The following DOCK1 variants were observed in gnomAD, a reference collection of about 807,000 sequenced individuals.
DOCK1 encodes the protein dedicator of cytokinesis 1.
A neutral mutation model predicts 262.7 loss-of-function variants in DOCK1; 138 were observed. The observed-to-expected ratio is 0.53, with a 90% CI of 0.46 to 0.61. The LOEUF (loss-of-function observed/expected upper bound fraction) is 0.61. Ranked by LOEUF, DOCK1 falls within the 20% of genes least tolerant of loss-of-function variation. The pLI is 0.00. For synonymous variants in DOCK1, 866 were observed against 867.4 expected, an observed-to-expected ratio of 1.00 and a Z score of 0.03; for missense variants, 1,908 against 2,370.7, an observed-to-expected ratio of 0.80 and a Z score of 4.05.
intron 1 of DOCK1, among the ~76,000 whole-genome samples, chr10:126,915,962 G>A (rs546868667): frequency 6.6e-6 from 1 of 152,158 alleles, no homozygotes. Context: ...AATAACTCTT[G>A]TCTATGAGTA....
chr10:127,358,264 C>A (rs2064241788), intron 32 of DOCK1, among the ~76,000 whole-genome samples: 1 of 152,098 alleles, frequency 6.6e-6, no homozygotes. Context: ...GAGCAAGGAT[C>A]TGGGGTCTGT....
rs3078941 is a variant in DOCK1 at position 127,385,430 on chromosome 10, T to TAAAA, written c.3927+528_3927+531dup. Among the ~76,000 whole-genome samples, 5 of 147,134 alleles carry TAAAA rather than the reference T, an allele frequency of 3.4e-5. 1 individual carries two copies. In the South Asian group the frequency reaches 6.5e-4, roughly 19 times the overall value. ...CTGATTAAGGTATGCAGTAACTATT[T>TAAAA]AAAAAAAAAAGCTGTTTCAGTTTCA... On this transcript the variant is annotated intron_variant, in intron 38 of 51. Transcript: ENST00000623213.
chr10:126,919,199 G>A (rs2032914930), intron 1 of DOCK1, among the ~76,000 whole-genome samples: 1 of 152,168 alleles, frequency 6.6e-6, no homozygotes, highest in Admixed American at 6.5e-5. Flanking sequence ...AGGAACTCAA[G>A]CATTTGCTTC....
chr10:127,093,307 G>A (rs1448304336), intron 23 of DOCK1, among the ~76,000 whole-genome samples: 2 of 137,170 alleles, frequency 1.5e-5, no homozygotes, highest in East Asian at 2.2e-4. Context: ...GTGCAGTGGC[G>A]TGATCTCGGC....
intron 27 of DOCK1, among the ~76,000 whole-genome samples, chr10:127,147,559 C>T (rs1272736032): frequency 1.3e-5 from 2 of 152,214 alleles, no homozygotes; most frequent in East Asian, 3.9e-4. Flanking sequence ...CCCGGGGTCC[C>T]AGGGTAAGGG....
At chr10:127,359,523 T>TA (rs562485883) in intron 32 of DOCK1, among the ~76,000 whole-genome samples, 154 of 152,308 alleles carry the variant, frequency 1.0e-3, no homozygotes, top group African/African-American at 3.6e-3. Flanking sequence ...TTAGGCATAA[T>TA]ACAAGGAAAG....
chr10:127,397,835 C>T (rs2067000766), intron 38 of DOCK1, among the ~76,000 whole-genome samples: 2 of 151,974 alleles, frequency 1.3e-5, no homozygotes, highest in Admixed American at 1.3e-4. Context: ...GGCAGCGACT[C>T]CTGTGTGACC....
chr10:127,179,536 G>T lies in DOCK1; in HGVS notation c.2847+51772G>T, dbSNP rs1285682989. ...TCAAATGAGGTTATGAGTTCTTTCT[G>T]ACGGCTGGATGACATTTTCTAAAGC... On this transcript the variant is annotated intron_variant, in intron 27 of 51. Transcript: ENST00000623213. Among the ~76,000 whole-genome samples, 3 of 152,150 alleles carry T rather than the reference G, an allele frequency of 2.0e-5. No individual in the cohort carries two copies. The East Asian group carries it at 5.8e-4, about 29-fold the overall frequency.
At chr10:127,424,972 T>C (rs962352711) in intron 46 of DOCK1, among the ~76,000 whole-genome samples, 28 of 152,240 alleles carry the variant, frequency 1.8e-4, no homozygotes, top group Non-Finnish European at 8.8e-5. Context: ...ATTTGATGCG[T>C]TGATTCATCT....
chr10:127,435,218 C>T (rs1233006701), intron 48 of DOCK1, among the ~76,000 whole-genome samples: 1 of 152,162 alleles, frequency 6.6e-6, no homozygotes, highest in Non-Finnish European at 1.5e-5. Flanking sequence ...TTAAACAACA[C>T]AGAAGAACCT....
intron 23 of DOCK1, among the ~76,000 whole-genome samples, chr10:127,096,482 C>T (rs919516129): frequency 6.6e-6 from 1 of 151,962 alleles, no homozygotes; most frequent in Non-Finnish European, 1.5e-5. Context: ...TTTTAATGTG[C>T]GTTTTCTTGA....
chr10:127,215,228 A>G (rs1174755580), intron 27 of DOCK1, among the ~76,000 whole-genome samples: 3 of 152,086 alleles, frequency 2.0e-5, no homozygotes, highest in African/African-American at 7.2e-5. Flanking sequence ...CCTGGGATCC[A>G]TGAGTGGCTG....
intron 29 of DOCK1, among the ~76,000 whole-genome samples, chr10:127,319,783 T>C (rs190782295): frequency 2.0e-5 from 3 of 152,328 alleles, no homozygotes; most frequent in Non-Finnish European, 4.4e-5. Context: ...TCTGCTCGGC[T>C]CTGCCTTACT....
At position 127,278,679 on chromosome 10, in the gene DOCK1, G is replaced by T. The variant is rs80174908; in HGVS notation, c.3044+21250G>T. Among the ~76,000 whole-genome samples, 674 of 152,306 alleles carry T rather than the reference G, an allele frequency of 4.4e-3. 21 individuals are homozygous for T. The East Asian group carries it at 0.087, about 20-fold the overall frequency. On this transcript the variant is annotated intron_variant, in intron 29 of 51. Coordinates refer to ENST00000623213, the MANE Select transcript of DOCK1 (RefSeq NM_001290223.2). ...TGTGAGGCTGGCCACGCACAGGGAG[G>T]CAAAGAGAGGAGGAGAGAGGAACTT...
chr10:127,026,765 G>C (rs931695588), intron 16 of DOCK1, among the ~76,000 whole-genome samples: 1 of 152,130 alleles, frequency 6.6e-6, no homozygotes, highest in Non-Finnish European at 1.5e-5. Context: ...CTCTTAAGGT[G>C]CCTGTCTTAG....
intron 27 of DOCK1, chr10:127,137,868 T>G (rs1237133540): frequency 6.2e-7 from 1 of 1,613,956 alleles, no homozygotes; most frequent in Non-Finnish European, 8.5e-7. Flanking sequence ...TCTTCCGTGC[T>G]TTTTAGATTC....
intron 38 of DOCK1, among the ~76,000 whole-genome samples, chr10:127,393,303 C>T (rs1323281644): frequency 1.3e-5 from 2 of 152,164 alleles, no homozygotes. Flanking sequence ...CTGGCAAAAC[C>T]ATGACCCGGC....
chr10:127,148,021 ACT>A (rs1451648654), intron 27 of DOCK1, among the ~76,000 whole-genome samples: 1 of 116,584 alleles, frequency 8.6e-6, no homozygotes, highest in African/African-American at 3.2e-5. Context: ...ACAGAGTGAG[ACT>A]CTGTCTCAAA....
chr10:127,423,387 C>T (rs1348294356), intron 46 of DOCK1, among the ~76,000 whole-genome samples: 2 of 152,128 alleles, frequency 1.3e-5, no homozygotes, highest in African/African-American at 2.4e-5. Flanking sequence ...GGCAGCTCCT[C>T]CTCAGCCCTG....
Sources: gnomAD v4.1 joint callset for allele counts (sites outside exome capture counted in the v4.1 genomes callset) on GRCh38, gnomAD v4.1.1 for gene constraint, MANE v1.5 for transcripts, NCBI Gene and HGNC (gene_info 2026-07-23, HGNC 2026-07-21) for gene names.